The following KCNN2 variants were observed in gnomAD, a reference collection of about 807,000 sequenced individuals.
KCNN2 encodes the protein small conductance calcium-activated potassium channel protein 2.
Under a neutral mutation model 55.5 loss-of-function variants are expected in KCNN2, and 24 were observed. The observed-to-expected ratio is 0.43, with a 90% CI of 0.31 to 0.61. KCNN2 has a LOEUF of 0.61. Ranked by LOEUF, KCNN2 falls within the 20% of genes least tolerant of loss-of-function variation. The pLI, the probability that KCNN2 is intolerant of heterozygous loss-of-function variation, is 0.08. For synonymous variants in KCNN2, 431 were observed against 336.1 expected, an observed-to-expected ratio of 1.28 and a Z score of -3.09; for missense variants, 754 against 853.6, an observed-to-expected ratio of 0.88 and a Z score of 1.45.
At chr5:114,370,080 C>T (rs1416700602) in intron 2 of KCNN2, among the ~76,000 whole-genome samples, 1 of 152,100 alleles carries the variant, frequency 6.6e-6, no homozygotes, top group African/African-American at 2.4e-5. Flanking sequence ...AGTACATTTT[C>T]AACCTGAAAC....
In KCNN2 at chr5:114,463,084, T is replaced by C; in HGVS notation, c.1673T>C (p.Leu558Pro). The C allele has an allele frequency of 1.2e-6, 2 of 1,613,854 alleles. No individual in the cohort carries two copies. The highest frequency in any genetic ancestry group is 8.5e-7 in the Non-Finnish European group (1 of 1,179,772). The change falls in exon 4 of 8, where the codon CTT (leucine) becomes CCT (proline). Residue 558 changes from leucine (L) to proline (P), a missense_variant. Leu to Pro is a moderately conservative substitution (Grantham distance 98). Coordinates refer to ENST00000673685, the MANE Select transcript of KCNN2 (RefSeq NM_021614.4). The stretch of plus-strand genomic sequence containing the variant: ...CAACAGGATGTTACTAGCAACTTCC[T>C]TGGAGCGATGTGGTTGATATCAATA... ...HDQQDVTSNF[L>P]GAMWLISITF... is the part of the protein sequence containing the mutation.
At chr5:114,306,097 A>T (rs1211599921) in intron 2 of KCNN2, among the ~76,000 whole-genome samples, 5 of 152,242 alleles carry the variant, frequency 3.3e-5, no homozygotes, top group Non-Finnish European at 7.3e-5. Flanking sequence ...TAGAGTTGTC[A>T]TAGCCCTGGA....
chr5:114,296,917 A>G (rs1756022134), intron 2 of KCNN2, among the ~76,000 whole-genome samples: 1 of 152,212 alleles, frequency 6.6e-6, no homozygotes, highest in Non-Finnish European at 1.5e-5. Flanking sequence ...ACATTTAGTC[A>G]TAATTCTATT....
chr5:114,084,629 T>C (rs1213492935), intron 1 of KCNN2, among the ~76,000 whole-genome samples: 1 of 152,108 alleles, frequency 6.6e-6, no homozygotes, highest in Non-Finnish European at 1.5e-5. Context: ...TTTAGTACTC[T>C]TAACAATGTC....
chr5:114,292,690 C>T (rs1443112710), intron 2 of KCNN2, among the ~76,000 whole-genome samples: 4 of 152,094 alleles, frequency 2.6e-5, no homozygotes, highest in Non-Finnish European at 4.4e-5. Flanking sequence ...TTTTTGGTTC[C>T]ATATGAAGTT....
At chr5:114,194,797 A>G (rs1753518382) in intron 1 of KCNN2, among the ~76,000 whole-genome samples, 1 of 152,008 alleles carries the variant, frequency 6.6e-6, no homozygotes, top group Admixed American at 6.6e-5. Context: ...GAGTCTTCTA[A>G]GAGTTTTATA....
intron 2 of KCNN2, among the ~76,000 whole-genome samples, chr5:114,364,506 C>T (rs1256056435): frequency 1.3e-5 from 2 of 151,808 alleles, no homozygotes; most frequent in Admixed American, 1.3e-4. Flanking sequence ...CCTAAATCCC[C>T]CACCATTAAA....
intron 2 of KCNN2, among the ~76,000 whole-genome samples, chr5:114,376,634 C>T (rs544728947): frequency 3.9e-4 from 59 of 152,318 alleles, no homozygotes; most frequent in South Asian, 1.7e-3. Context: ...CACATTTCCT[C>T]TCTCCTCTTT....
rs1037775666 is a variant in KCNN2, at chr5:114,404,603, A to G, written c.1384A>G (p.Thr462Ala). The change falls in exon 3 of 8, where the codon ACC (threonine) becomes GCC (alanine). Residue 462 changes from threonine to alanine, a missense_variant. Thr to Ala is a moderately conservative substitution (Grantham distance 58, BLOSUM62 0). Coordinates refer to ENST00000673685, the MANE Select transcript of KCNN2 (RefSeq NM_021614.4). ...TGCCTTCTCCTATGCCCCATCCACA[A>G]CCACCGCTGATGTGGATATTATTTT... ...RLAFSYAPST[T>A]TADVDIILSI... 3.1e-6 allele frequency: 5 copies of G among 1,613,556 alleles called. No homozygotes were observed. The highest frequency in any genetic ancestry group is 3.4e-6 in the Non-Finnish European group (4 of 1,179,660).
At chr5:114,200,336 T>G (rs1203811082) in intron 1 of KCNN2, among the ~76,000 whole-genome samples, 1 of 152,122 alleles carries the variant, frequency 6.6e-6, no homozygotes, top group East Asian at 1.9e-4. Context: ...AATGAATTTT[T>G]TACTTTCAGA....
intron 3 of KCNN2, among the ~76,000 whole-genome samples, chr5:114,452,246 A>C (rs553492441): frequency 3.1e-4 from 47 of 152,264 alleles, no homozygotes; most frequent in African/African-American, 1.1e-3. Context: ...GTTTTTATTA[A>C]AGTGTTTGGA....
At chr5:114,198,461 T>TACAC (rs1408821127) in intron 1 of KCNN2, among the ~76,000 whole-genome samples, 2,506 of 89,050 alleles carry the variant, frequency 0.028, 64 homozygotes, top group African/African-American at 0.08. Flanking sequence ...TATATATACA[T>TACAC]ATACACACAC....
At chr5:114,272,168 C>T (rs1033426096) in intron 2 of KCNN2, among the ~76,000 whole-genome samples, 1 of 152,028 alleles carries the variant, frequency 6.6e-6, no homozygotes, top group Non-Finnish European at 1.5e-5. Flanking sequence ...TATCTGCCAC[C>T]AATGGTTTAG....
intron 2 of KCNN2, among the ~76,000 whole-genome samples, chr5:114,368,667 A>G (rs953314689): frequency 1.3e-5 from 2 of 152,224 alleles, no homozygotes; most frequent in South Asian, 4.1e-4. Context: ...CAATACACAT[A>G]ATAAAAACAG....
intron 1 of KCNN2, among the ~76,000 whole-genome samples, chr5:114,083,825 T>A (rs1352885469): frequency 6.6e-6 from 1 of 152,132 alleles, no homozygotes; most frequent in Non-Finnish European, 1.5e-5. Flanking sequence ...AAAAATCCTC[T>A]GTGCTGAACC....
At chr5:114,487,263 G>A in intron 6 of KCNN2, 86 bp downstream of exon 6, 2 of 1,206,890 alleles carry the variant, frequency 1.7e-6, no homozygotes, top group Admixed American at 2.2e-5. Context: ...CATAAGGAAG[G>A]AAAAAAGAAA....
chr5:114,367,230 C>T (rs1434891435), intron 2 of KCNN2, among the ~76,000 whole-genome samples: 3 of 152,200 alleles, frequency 2.0e-5, no homozygotes, highest in African/African-American at 7.2e-5. Context: ...AAGATACCAG[C>T]TCAGTAGATT....
intron 2 of KCNN2, among the ~76,000 whole-genome samples, chr5:114,260,361 C>G (rs1240063230): frequency 3.2e-4 from 48 of 152,324 alleles, no homozygotes; most frequent in African/African-American, 1.2e-3. Flanking sequence ...TTGCTCTATA[C>G]CTCAGCCTCA....
intron 1 of KCNN2, among the ~76,000 whole-genome samples, chr5:114,189,881 T>C (rs1753416342): frequency 1.3e-5 from 2 of 152,044 alleles, no homozygotes; most frequent in Non-Finnish European, 2.9e-5. Context: ...TGCTTATCCA[T>C]ATTAAAAGTC....
Sources: gnomAD v4.1 joint callset for allele counts (sites outside exome capture counted in the v4.1 genomes callset) on GRCh38, gnomAD v4.1.1 for gene constraint, MANE v1.5 for transcripts, NCBI Gene and HGNC (gene_info 2026-07-23, HGNC 2026-07-21) for gene names.